The following LDB3 variants were observed in gnomAD, a reference collection of about 807,000 sequenced individuals.
LDB3 encodes the protein LIM domain binding 3, also known as LIM domain-binding protein 3.
Under a neutral mutation model 69.0 loss-of-function variants are expected in LDB3, and 49 were observed. The observed-to-expected ratio is 0.71, with a 90% CI of 0.56 to 0.90. LDB3 has a LOEUF of 0.90. Ranked by LOEUF, LDB3 falls within the 40% of genes least tolerant of loss-of-function variation. LDB3 has a pLI of 0.00. For synonymous variants in LDB3, 387 were observed against 396.2 expected, an observed-to-expected ratio of 0.98 and a Z score of 0.28; for missense variants, 928 against 974.1, an observed-to-expected ratio of 0.95 and a Z score of 0.63.
intron 8 of LDB3, among the ~76,000 whole-genome samples, chr10:86,708,135 G>A (rs1325587847): frequency 6.6e-6 from 1 of 152,252 alleles, no homozygotes; most frequent in African/African-American, 2.4e-5. Flanking sequence ...CCACGGCTGA[G>A]CTCCTGGAAC....
At chr10:86,708,967 G>T (rs921194953) in intron 8 of LDB3, among the ~76,000 whole-genome samples, 1 of 152,234 alleles carries the variant, frequency 6.6e-6, no homozygotes, top group African/African-American at 2.4e-5. Context: ...CCATGTGGGG[G>T]TGGCAGGCAG....
At chr10:86,708,110 G>A (rs1027592326) in intron 8 of LDB3, among the ~76,000 whole-genome samples, 4 of 152,232 alleles carry the variant, frequency 2.6e-5, no homozygotes, top group African/African-American at 4.8e-5. Flanking sequence ...TTAGGTCTCA[G>A]TGTCCTGGGC....
Position 86,695,629 on chromosome 10 carries a change from G to A in LDB3, c.896+3058G>A, listed in dbSNP as rs73344190. On this transcript the variant is annotated intron_variant, in intron 7 of 13. Coordinates refer to ENST00000361373, the MANE Select transcript of LDB3 (RefSeq NM_007078.3). The stretch of plus-strand genomic sequence containing the variant: ...AACTACTCTAGTAGGTATAGGTGAC[G>A]CTGTGGCTCCCCAGTTTCCATCGGA... 4.8e-3 allele frequency among the ~76,000 whole-genome samples: 731 copies of A among 152,308 alleles called. 7 individuals carry two copies. Among genetic ancestry groups the A allele is most frequent in the African/African-American group, 0.016 (649 of 41,560 alleles).
At chr10:86,705,124 G>C (rs916341623) in intron 7 of LDB3, among the ~76,000 whole-genome samples, 6 of 152,320 alleles carry the variant, frequency 3.9e-5, no homozygotes, top group African/African-American at 2.4e-5. Context: ...CTACTTGGCT[G>C]ATCACAACAA....
chr10:86,728,709 G>C (rs2132508792), intron 13 of LDB3, among the ~76,000 whole-genome samples: 1 of 151,718 alleles, frequency 6.6e-6, no homozygotes, highest in East Asian at 1.9e-4. Flanking sequence ...AGGCTCCTGA[G>C]TAGCTGGGAT....
intron 9 of LDB3, among the ~76,000 whole-genome samples, chr10:86,714,156 A>G (rs1846775627): frequency 6.6e-6 from 1 of 152,186 alleles, no homozygotes; most frequent in Non-Finnish European, 1.5e-5. Context: ...AAGAATCAGT[A>G]TTGCCAGTTT....
intron 2 of LDB3, among the ~76,000 whole-genome samples, chr10:86,669,279 G>A (rs756769314): frequency 5.1e-5 from 4 of 78,794 alleles, no homozygotes; most frequent in Non-Finnish European, 9.8e-5. Context: ...GGCTGGGCTG[G>A]ACTGAGTACT....
intron 13 of LDB3, chr10:86,726,509 A>C (rs1847264012): frequency 2.0e-6 from 1 of 506,408 alleles, no homozygotes; most frequent in Non-Finnish European, 3.6e-6. Flanking sequence ...GGGTTTGGCA[A>C]ACCAGCGGCT....
intron 5 of LDB3, among the ~76,000 whole-genome samples, chr10:86,683,393 C>T (rs1845270162): frequency 6.6e-6 from 1 of 152,210 alleles, no homozygotes; most frequent in Non-Finnish European, 1.5e-5. Context: ...GTAATTTGCC[C>T]AAGGTCACAC....
At chr10:86,720,196 G>C (rs1034556409) in intron 12 of LDB3, among the ~76,000 whole-genome samples, 4 of 152,176 alleles carry the variant, frequency 2.6e-5, no homozygotes, top group Non-Finnish European at 4.4e-5. Flanking sequence ...TGTAATCCCA[G>C]CACTTTGAGA....
chr10:86,687,769 G>A (rs1474147335), intron 5 of LDB3, among the ~76,000 whole-genome samples: 2 of 152,238 alleles, frequency 1.3e-5, no homozygotes, highest in Admixed American at 6.5e-5. Context: ...CCACAGATGG[G>A]AGCAATCCCC....
At chr10:86,724,620 A>AT (rs1323010587) in intron 12 of LDB3, among the ~76,000 whole-genome samples, 4 of 151,630 alleles carry the variant, frequency 2.6e-5, no homozygotes, top group African/African-American at 9.7e-5. Flanking sequence ...AATAAAAATA[A>AT]AAAATAAATA....
rs572065785 is a variant in LDB3, at chr10:86,674,268, G to C, written c.94-5099G>C. ...ACGACATAATCCTCACAACAATCCC[G>C]AGAAAGGCATTGTCATTCTCTTGAC... On this transcript the variant is annotated intron_variant, in intron 2 of 13. Transcript: ENST00000361373. 3.3e-5 allele frequency among the ~76,000 whole-genome samples: 5 copies of C among 152,246 alleles called. No individual in the cohort carries two copies. In the South Asian group the frequency reaches 1.0e-3, roughly 32 times the overall value.
rs535101481 is a variant in LDB3 at position 86,686,099 on chromosome 10, G to A, written c.689+4296G>A. ...ACTGGATCTTGTCTGCCCGGGGAGC[G>A]CACCTATCCATTGGAGGGAAGAGCC... On this transcript the variant is annotated intron_variant, in intron 5 of 13. Coordinates refer to ENST00000361373, the MANE Select transcript of LDB3 (RefSeq NM_007078.3). Among the ~76,000 whole-genome samples the A allele has an allele frequency of 1.2e-3, 185 of 152,232 alleles. 1 individual carries two copies. The highest frequency in any genetic ancestry group is 4.9e-3 in the Admixed American group (75 of 15,300).
chr10:86,686,736 G>A (rs536105535), intron 5 of LDB3, among the ~76,000 whole-genome samples: 2 of 150,958 alleles, frequency 1.3e-5, no homozygotes, highest in African/African-American at 4.9e-5. Flanking sequence ...GAGCCCAAGA[G>A]GTTGAGACTG....
Position 86,706,622 on chromosome 10 carries a change from A to G in LDB3, c.988A>G (p.Ser330Gly), listed in dbSNP as rs1846453843. 2 of 1,613,100 alleles carry G rather than the reference A, an allele frequency of 1.2e-6. No individual in the cohort carries two copies. Among genetic ancestry groups the G allele is most frequent in the Non-Finnish European group, 1.7e-6 (2 of 1,179,944 alleles). ...CCAGCCACCTGCTGCTGCCTCTCCC[A>G]GTGCGGCTTCGCCACCCCTGGCCAC... ...SAQPPAAASPSAASPPLATAA... is the reference protein window; with the variant it reads ...SAQPPAAASPGAASPPLATAA... The change falls in exon 8 of 14, where the codon AGT becomes GGT. Residue 330 changes from serine (S) to glycine (G), a missense_variant. By Grantham distance (56) the Ser-to-Gly change is moderately conservative (BLOSUM62 0). Coordinates refer to ENST00000361373, the MANE Select transcript of LDB3 (RefSeq NM_007078.3).
At position 86,699,237 on chromosome 10, in the gene LDB3, GTTTCTCTC is replaced by G. The variant is rs1287135811; in HGVS notation, c.896+6668_896+6675del. The G allele has an allele frequency of 1.4e-6, 2 of 1,461,900 alleles. No homozygotes were observed. Among genetic ancestry groups the G allele is most frequent in the East Asian group, 4.9e-5 (2 of 41,218 alleles). 90.6% of individuals were successfully genotyped at this position (1,461,900 alleles called of 1,614,324 possible). ...TCTCTCTCTTTCTGTCTCTGTCTCT[GTTTCTCTC>G]TCTCTCTCTCTCTCTCTCTCTCTGT... is the stretch of plus-strand genomic sequence containing the variant. On this transcript the variant is annotated intron_variant, in intron 7 of 13. Transcript: ENST00000361373. The surrounding 1 kb of genome is among the most constrained non-coding windows in gnomAD (Gnocchi z 4.9).
At chr10:86,680,555 C>A (rs932825725) in intron 4 of LDB3, among the ~76,000 whole-genome samples, 1 of 152,218 alleles carries the variant, frequency 6.6e-6, no homozygotes, top group African/African-American at 2.4e-5. Flanking sequence ...TGAGGCCCAG[C>A]TTGACGAGGA....
intron 2 of LDB3, among the ~76,000 whole-genome samples, chr10:86,669,336 T>C (rs1045122538): frequency 2.6e-5 from 4 of 152,184 alleles, no homozygotes; most frequent in Non-Finnish European, 5.9e-5. Context: ...CCCTGGCTCA[T>C]GGGGCTGGGC....
Sources: allele counts gnomAD v4.1 joint callset (sites outside exome capture counted in the v4.1 genomes callset), GRCh38; gene constraint gnomAD v4.1.1; non-coding constraint Gnocchi (gnomAD v3.1); transcripts MANE v1.5; gene names NCBI Gene and HGNC (gene_info 2026-07-23, HGNC 2026-07-21).